The following CCDC13 variants were observed in gnomAD, a reference collection of about 807,000 sequenced individuals.
The protein encoded by CCDC13 is coiled-coil domain containing 13, also known as coiled-coil domain-containing protein 13.
CCDC13 carries 70 observed loss-of-function variants against 87.3 expected under a neutral mutation model. The observed-to-expected ratio is 0.80, with a 90% CI of 0.66 to 0.98. CCDC13 has a LOEUF of 0.98. CCDC13 is among the 50% of genes least tolerant of loss of function. CCDC13 has a pLI of 0.00. For synonymous variants in CCDC13, 317 were observed against 360.3 expected (o/e 0.88, Z 1.36); for missense variants, 842 against 892.0 (o/e 0.94, Z 0.71).
At position 42,732,897 on chromosome 3, in the gene CCDC13, T is replaced by A; in HGVS notation, c.1585A>T (p.Thr529Ser). 6.4e-7 allele frequency: 1 copy of A among 1,553,022 alleles called. No homozygotes were observed. The highest frequency in any genetic ancestry group is 1.2e-5 in the South Asian group (1 of 84,134). ...TRPSLPSPHR[T>S]SPRFSDSPEQ... ...GTCGGGGGTCCATACCTAGGTGAGGTCCTGTGGGGACTGGGCAGGGAAGGC... is the reference window on the plus strand; with the variant it reads ...GTCGGGGGTCCATACCTAGGTGAGGACCTGTGGGGACTGGGCAGGGAAGGC... The change falls in exon 12 of 16, where the codon ACC becomes TCC. Residue 529 changes from threonine to serine, a missense_variant. By Grantham distance (58) the Thr-to-Ser change is moderately conservative (BLOSUM62 1). Transcript: ENST00000310232.
At chr3:42,726,156 T>C (rs1202943753) in intron 13 of CCDC13, among the ~76,000 whole-genome samples, 4 of 152,100 alleles carry the variant, frequency 2.6e-5, no homozygotes, top group Non-Finnish European at 5.9e-5. Flanking sequence ...GCAATTCTGC[T>C]TCAGCCTCCC....
chr3:42,709,681 C>G lies in CCDC13; in HGVS notation c.1988+3G>C. ...CTTTCAGGAAGGCGGGGCAGGGGAG[C>G]ACCTGGTTGTCAGCTCTTCCATTTG... is the stretch of plus-strand genomic sequence containing the variant. On this transcript the variant is annotated splice_donor_region_variant and intron_variant, in intron 15 of 15. Transcript: ENST00000310232. 6.2e-7 allele frequency: 1 copy of G among 1,612,148 alleles called. No homozygotes were observed. Among genetic ancestry groups the G allele is most frequent in the African/African-American group, 1.3e-5 (1 of 75,024 alleles).
chr3:42,749,655 A>G (rs1699520061), intron 5 of CCDC13, among the ~76,000 whole-genome samples: 2 of 152,162 alleles, frequency 1.3e-5, no homozygotes, highest in Non-Finnish European at 1.5e-5. Context: ...AGCTAATCCT[A>G]CCTCTAAGCC....
At position 42,742,985 on chromosome 3, in the gene CCDC13, C is replaced by T; in HGVS notation, c.898G>A (p.Val300Ile). ...SAGTASDELSVYPDPRKLSAQ... is the reference protein window; with the variant it reads ...SAGTASDELSIYPDPRKLSAQ... ...GACAGCTTCCTTGGGTCTGGATAGA[C>T]AGACAACTCATCACTGGCTGTTCCC... The change falls in exon 8 of 16, where the codon GTC becomes ATC. Residue 300 changes from valine to isoleucine, a missense_variant. Transcript: ENST00000310232. 1 of 1,614,178 alleles carries T rather than the reference C, an allele frequency of 6.2e-7. No individual in the cohort carries two copies. The highest frequency in any genetic ancestry group is 8.5e-7 in the Non-Finnish European group (1 of 1,180,022).
chr3:42,744,348 TGACAA>T (rs957975061), intron 7 of CCDC13, among the ~76,000 whole-genome samples: 4 of 151,998 alleles, frequency 2.6e-5, no homozygotes, highest in South Asian at 2.1e-4. Flanking sequence ...CACAACCAAA[TGACAA>T]AACAATGTTG....
At chr3:42,759,416 ATCC>A (rs1699783588) in intron 1 of CCDC13, among the ~76,000 whole-genome samples, 1 of 152,116 alleles carries the variant, frequency 6.6e-6, no homozygotes, top group Admixed American at 6.5e-5. Flanking sequence ...TCACCCCAAA[ATCC>A]TCCTTTGTGC....
At position 42,758,371 on chromosome 3, in the gene CCDC13, C is replaced by G; in HGVS notation, c.-6-20G>C. The G allele has an allele frequency of 6.2e-7, 1 of 1,608,240 alleles. No individual in the cohort carries two copies. ...CCTGCCCTAGGCATCAGAAATGAAGCCTCAGCTGAAGCAAACTCCACACCG... is the reference window on the plus strand; with the variant it reads ...CCTGCCCTAGGCATCAGAAATGAAGGCTCAGCTGAAGCAAACTCCACACCG... On this transcript the variant is annotated intron_variant, in intron 1 of 15. Coordinates refer to ENST00000310232, the MANE Select transcript of CCDC13 (RefSeq NM_144719.4).
chr3:42,744,418 A>C (rs555310158), intron 7 of CCDC13, among the ~76,000 whole-genome samples: 1 of 152,344 alleles, frequency 6.6e-6, no homozygotes, highest in East Asian at 1.9e-4. Context: ...GGCAAAGGGC[A>C]GGAGCACAGC....
chr3:42,766,027 A>C (rs534159579), intron 1 of CCDC13, among the ~76,000 whole-genome samples: 8 of 152,154 alleles, frequency 5.3e-5, no homozygotes, highest in Admixed American at 6.5e-5. Flanking sequence ...TGTGGGCCTA[A>C]ATCAAAACTG....
chr3:42,758,372 C>A (rs767453362), intron 1 of CCDC13, 21 bp from the exon 2 acceptor site: 1 of 1,608,174 alleles, frequency 6.2e-7, no homozygotes, highest in Non-Finnish European at 8.5e-7. Flanking sequence ...GAAATGAAGC[C>A]TCAGCTGAAG....
chr3:42,725,459 G>A (rs1264676002), intron 13 of CCDC13, among the ~76,000 whole-genome samples: 2 of 151,044 alleles, frequency 1.3e-5, no homozygotes, highest in African/African-American at 2.4e-5. Flanking sequence ...ACTGGAGCCC[G>A]GGAAGTTGAG....
intron 13 of CCDC13, 37 bp downstream of exon 13, chr3:42,730,430 A>T (rs1224223931): frequency 6.3e-7 from 1 of 1,599,016 alleles, no homozygotes. Context: ...CACCACATGC[A>T]GGCCTATGGG....
At chr3:42,749,694 A>C in intron 5 of CCDC13, 1 of 349,190 alleles carries the variant, frequency 2.9e-6, no homozygotes, top group Non-Finnish European at 5.7e-6. Context: ...CCCAGAGTGA[A>C]ATTCCACAGG....
intron 2 of CCDC13, among the ~76,000 whole-genome samples, chr3:42,757,588 T>C (rs891617105): frequency 3.7e-4 from 56 of 152,162 alleles, no homozygotes; most frequent in South Asian, 4.1e-4. Context: ...CATGGTGGTG[T>C]ACACGTGTAA....
At chr3:42,745,598 T>A (rs1559653031) in intron 7 of CCDC13, 1 of 190,502 alleles carries the variant, frequency 5.2e-6, no homozygotes, top group Non-Finnish European at 1.1e-5. Context: ...AGCTTACAAT[T>A]ACAACAGTCA....
Position 42,707,412 on chromosome 3 carries a change from T to C in CCDC13, c.*1568A>G, listed in dbSNP as rs1353237745. On this transcript the variant is annotated 3_prime_UTR_variant, in exon 16 of 16. Coordinates refer to ENST00000310232, the MANE Select transcript of CCDC13 (RefSeq NM_144719.4). Reference sequence around the variant, plus strand: ...GCCTTTGCTCTAACTTGCTGTGGGATCTCTAGATCCGTGTGACCCCATGCA... The same window carrying C: ...GCCTTTGCTCTAACTTGCTGTGGGACCTCTAGATCCGTGTGACCCCATGCA... 6.6e-6 allele frequency among the ~76,000 whole-genome samples: 1 copy of C among 152,072 alleles called. No homozygotes were observed. The highest frequency in any genetic ancestry group is 1.5e-5 in the Non-Finnish European group (1 of 67,984).
chr3:42,729,073 T>C (rs1352188569), intron 13 of CCDC13, among the ~76,000 whole-genome samples: 2 of 152,036 alleles, frequency 1.3e-5, no homozygotes, highest in African/African-American at 4.8e-5. Flanking sequence ...TTATGTGGGG[T>C]AGAATTACCC....
intron 1 of CCDC13, among the ~76,000 whole-genome samples, chr3:42,760,291 TCTAA>T (rs1699801382): frequency 8.2e-6 from 1 of 121,402 alleles, no homozygotes; most frequent in Non-Finnish European, 1.7e-5. Context: ...AATTCTTGTC[TCTAA>T]ATAAATAAAT....
chr3:42,760,443 C>T (rs879761253), intron 1 of CCDC13, among the ~76,000 whole-genome samples: 37 of 152,056 alleles, frequency 2.4e-4, no homozygotes, highest in South Asian at 4.1e-4. Context: ...ATGGAGAAAC[C>T]CCATCTCTAC....
Sources: gnomAD v4.1 joint callset for allele counts (sites outside exome capture counted in the v4.1 genomes callset) on GRCh38, gnomAD v4.1.1 for gene constraint, MANE v1.5 for transcripts, NCBI Gene and HGNC (gene_info 2026-07-23, HGNC 2026-07-21) for gene names.